Variants in BBX observed in about 807,000 individuals in gnomAD.
The protein encoded by BBX is BBX high mobility group box domain containing.
A neutral mutation model predicts 100.2 loss-of-function variants in BBX; 30 were observed. The ratio of observed to expected loss-of-function variants is 0.30; its 90% CI spans 0.22 to 0.41. The LOEUF (loss-of-function observed/expected upper bound fraction) is 0.41, where lower values mean the gene tolerates loss of function less well. Ranked by LOEUF, BBX falls within the 10% of genes least tolerant of loss-of-function variation. The pLI is 1.00. For synonymous variants in BBX, 376 were observed against 388.1 expected (o/e 0.97, Z 0.37); for missense variants, 1,023 against 1,129.8 (o/e 0.91, Z 1.35).
chr3:107,679,229 A>G (rs1473440960), intron 3 of BBX, among the ~76,000 whole-genome samples: 2 of 151,996 alleles, frequency 1.3e-5, no homozygotes, highest in Non-Finnish European at 2.9e-5. Context: ...GCAAGTTGTA[A>G]AGTTTGTAGT....
chr3:107,656,088 G>A (rs900551222), intron 3 of BBX, among the ~76,000 whole-genome samples: 1 of 151,988 alleles, frequency 6.6e-6, no homozygotes, highest in African/African-American at 2.4e-5. Flanking sequence ...ATCTTATTCT[G>A]TTATTTAATT....
In BBX at chr3:107,758,995, T is replaced by C. The variant is rs1283074495; in HGVS notation, c.906+3317T>C. ...CATGGGGGTTGTTGCTTCCAACAAA[T>C]GTCTTCTCCTTAGTGAGAAGTAAGA... On this transcript the variant is annotated intron_variant, in intron 10 of 17. Transcript: ENST00000325805. Among the ~76,000 whole-genome samples, 3 of 152,134 alleles carry C rather than the reference T, an allele frequency of 2.0e-5. No homozygotes were observed. In the South Asian group the frequency reaches 6.2e-4, roughly 31 times the overall value.
intron 3 of BBX, among the ~76,000 whole-genome samples, chr3:107,682,101 T>G (rs1185048078): frequency 1.3e-5 from 2 of 152,102 alleles, no homozygotes; most frequent in African/African-American, 4.8e-5. Context: ...TAAAACTAAT[T>G]TGATTACTCT....
chr3:107,558,466 G>A (rs886753882), intron 2 of BBX, among the ~76,000 whole-genome samples: 3 of 151,946 alleles, frequency 2.0e-5, no homozygotes, highest in African/African-American at 2.4e-5. Context: ...TCAGCCTGGG[G>A]GACAGAGCGA....
Position 107,526,407 on chromosome 3 carries a change from G to A in BBX, c.-84+9G>A, listed in dbSNP as rs1481442068. 3 of 398,428 alleles carry A rather than the reference G, an allele frequency of 7.5e-6. No homozygotes were observed. Among genetic ancestry groups the A allele is most frequent in the Non-Finnish European group, 1.3e-5 (3 of 226,048 alleles). The allele number at this position is 398,428 out of a possible 1,614,324, so 24.7% of individuals were successfully genotyped here. On this transcript the variant is annotated intron_variant, in intron 2 of 17. Transcript: ENST00000325805. The stretch of plus-strand genomic sequence containing the variant: ...TCCATTTGCCTTCCTGGGTAAGTAT[G>A]CAAACTGTTCGTACAGGGAAGCAGG...
At chr3:107,641,194 C>T (rs1368287110) in intron 2 of BBX, among the ~76,000 whole-genome samples, 2 of 151,470 alleles carry the variant, frequency 1.3e-5, no homozygotes, top group Non-Finnish European at 2.9e-5. Context: ...AAGCAAGTCT[C>T]CTGCCTCAGC....
chr3:107,794,237 G>A (rs1008629605), intron 15 of BBX, among the ~76,000 whole-genome samples: 2 of 151,894 alleles, frequency 1.3e-5, no homozygotes, highest in African/African-American at 4.8e-5. Context: ...CATCTTAACA[G>A]CATTCCCAGT....
intron 2 of BBX, among the ~76,000 whole-genome samples, chr3:107,536,741 AG>A (rs957216919): frequency 1.3e-5 from 2 of 152,148 alleles, no homozygotes; most frequent in African/African-American, 2.4e-5. Flanking sequence ...TCATTGATTG[AG>A]TGCCTACAGA....
At chr3:107,614,675 C>A (rs1406555756) in intron 2 of BBX, among the ~76,000 whole-genome samples, 1 of 152,116 alleles carries the variant, frequency 6.6e-6, no homozygotes, top group Non-Finnish European at 1.5e-5. Context: ...ATACTTAATA[C>A]AATGTAAATG....
intron 1 of BBX, chr3:107,523,635 A>C (rs1432583865): frequency 6.6e-6 from 1 of 152,200 alleles, no homozygotes; most frequent in Non-Finnish European, 1.5e-5. Flanking sequence ...GGAGCCCCAA[A>C]CTTCATCTCG....
intron 2 of BBX, among the ~76,000 whole-genome samples, chr3:107,579,908 G>T (rs1454125725): frequency 6.6e-6 from 1 of 152,036 alleles, no homozygotes; most frequent in African/African-American, 2.4e-5. Context: ...ATTTTCTATA[G>T]AATTTTAAAA....
intron 2 of BBX, among the ~76,000 whole-genome samples, chr3:107,616,907 A>G (rs2055334734): frequency 6.6e-6 from 1 of 152,176 alleles, no homozygotes; most frequent in South Asian, 2.1e-4. Context: ...AGTCCAGATT[A>G]CTAATTTTAC....
intron 2 of BBX, among the ~76,000 whole-genome samples, chr3:107,620,904 CTG>C (rs2055697839): frequency 7.9e-6 from 1 of 127,244 alleles, no homozygotes; most frequent in Non-Finnish European, 1.6e-5. Context: ...GTTGGAAATT[CTG>C]TGTCGCCACA....
rs34762783 is a variant in BBX, at chr3:107,743,918, G to GT, written c.670-687dup. ...GTGATTTTTCTTCTTTGTTTTAGTG[G>GT]TTTTTTTTTTTTTTTTTTTTTTTTT... On this transcript the variant is annotated intron_variant, in intron 7 of 17. Coordinates refer to ENST00000325805, the MANE Select transcript of BBX (RefSeq NM_001142568.3). Among the ~76,000 whole-genome samples the GT allele has an allele frequency of 5.8e-3, 330 of 56,612 alleles. 3 individuals carry two copies. Among genetic ancestry groups the GT allele is most frequent in the Non-Finnish European group, 7.1e-3 (232 of 32,662 alleles). 37.1% of individuals were successfully genotyped at this position (56,612 alleles called of 152,430 possible).
At chr3:107,653,933 A>G (rs77864129) in intron 3 of BBX, among the ~76,000 whole-genome samples, 1,549 of 152,320 alleles carry the variant, frequency 0.01, 14 homozygotes, top group Middle Eastern at 0.044. Flanking sequence ...AGATGTATCC[A>G]TGTGCAGAGT....
At chr3:107,553,981 A>ATTT (rs2049894235) in intron 2 of BBX, among the ~76,000 whole-genome samples, 1 of 152,150 alleles carries the variant, frequency 6.6e-6, no homozygotes, top group Non-Finnish European at 1.5e-5. Context: ...TAAGCAGTTA[A>ATTT]TTACCCTATT....
rs1445094299 is a variant in BBX at position 107,773,237 on chromosome 3, A to T, written c.1516A>T (p.Thr506Ser). ...CTGGGGCATAGAGAAACTTGGAGAT[A>T]CCCCTCGCAAGAAGGTCCGCACATC... ...GDWGIEKLGDTPRKKVRTSSS... is the reference protein window; with the variant it reads ...GDWGIEKLGDSPRKKVRTSSS... Residue 506 changes from threonine to serine, a missense_variant, in exon 11 of 18, where the codon ACC (threonine) becomes TCC (serine). By Grantham distance (58) the Thr-to-Ser change is moderately conservative (BLOSUM62 1). Around this residue, in one of 9 missense-constraint regions of BBX, gnomAD observed 348 missense variants for 353.2 expected, o/e 0.99. Transcript: ENST00000325805. The surrounding 1 kb of genome is among the most constrained non-coding windows in gnomAD (Gnocchi z 4.1). The T allele has an allele frequency of 3.7e-6, 6 of 1,613,934 alleles. No homozygotes were observed. The highest frequency in any genetic ancestry group is 1.7e-5 in the Admixed American group (1 of 59,978).
rs577336183 is a variant in BBX at position 107,647,712 on chromosome 3, A to G, written c.-10+1803A>G. On this transcript the variant is annotated intron_variant, in intron 3 of 17. Transcript: ENST00000325805. ...GGAAACATATCAGTCAACTTAGTCA[A>G]TTACATTTCAGTATCAGAAGAGCCT... 6.1e-4 allele frequency among the ~76,000 whole-genome samples: 93 copies of G among 152,308 alleles called. 1 individual carries two copies. The highest frequency in any genetic ancestry group is 2.2e-3 in the African/African-American group (91 of 41,578).
intron 2 of BBX, among the ~76,000 whole-genome samples, chr3:107,613,941 GTTTTT>G (rs533672871): frequency 1.2e-5 from 1 of 86,544 alleles, no homozygotes; most frequent in Non-Finnish European, 2.4e-5. Flanking sequence ...ACATACCATG[GTTTTT>G]TTTTTTTTTT....
Sources: gnomAD v4.1 joint callset for allele counts (sites outside exome capture counted in the v4.1 genomes callset) on GRCh38, gnomAD v4.1.1 for gene constraint, gnomAD v4.1.1 regional missense constraint, Gnocchi (gnomAD v3.1) non-coding constraint, MANE v1.5 for transcripts, NCBI Gene and HGNC (gene_info 2026-07-23, HGNC 2026-07-21) for gene names.